Variants in PXDC1 observed in about 807,000 individuals in gnomAD.
The protein encoded by PXDC1 is PX domain-containing protein 1.
Under a neutral mutation model 24.4 loss-of-function variants are expected in PXDC1, and 13 were observed. That is an observed-to-expected ratio of 0.53 (90% CI 0.35 to 0.85). The LOEUF (loss-of-function observed/expected upper bound fraction) is 0.85. Among genes scored for constraint, PXDC1 ranks in the 40% least tolerant of loss-of-function variants. The probability of loss-of-function intolerance (pLI) is 0.01; values close to 1 mark genes in which losing one functional copy is unlikely to be tolerated. For synonymous variants in PXDC1, 162 were observed against 124.9 expected, an observed-to-expected ratio of 1.30 and a Z score of -1.98; for missense variants, 344 against 309.3, an observed-to-expected ratio of 1.11 and a Z score of -0.84.
chr6:3,738,868 T>A (rs1472935185), intron 1 of PXDC1: 1 of 1,303,088 alleles, frequency 7.7e-7, no homozygotes, highest in Non-Finnish European at 1.0e-6. Context: ...AGTCTTCCCA[T>A]CACAGGTTCT....
chr6:3,751,641 G>A lies in PXDC1; in HGVS notation c.-110C>T. ...GGTCTGTCCGTGGCCGGGGTCGTCC[G>A]GGGTCGGCCCGTCACTCCAAGGAGG... On this transcript the variant is annotated 5_prime_UTR_variant, in exon 1 of 5. Coordinates refer to ENST00000380283, the MANE Select transcript of PXDC1 (RefSeq NM_183373.4). 1 of 1,337,078 alleles carries A rather than the reference G, an allele frequency of 7.5e-7. No individual in the cohort carries two copies. The highest frequency in any genetic ancestry group is 1.9e-5 in the South Asian group (1 of 53,076). The allele number at this position is 1,337,078 out of a possible 1,614,324, so 82.8% of individuals were successfully genotyped here.
chr6:3,741,482 C>T lies in PXDC1; in HGVS notation c.257-3334G>A, dbSNP rs76186832. ...TTATTGAATTCCCCATTCCGGCTCC[C>T]GGTGGCAACCAAGCTGGCAATCTGG... On this transcript the variant is annotated intron_variant, in intron 1 of 4. Coordinates refer to ENST00000380283, the MANE Select transcript of PXDC1 (RefSeq NM_183373.4). Among the ~76,000 whole-genome samples the T allele has an allele frequency of 7.7e-4, 118 of 152,340 alleles. 1 individual carries two copies. The East Asian group carries it at 0.019, about 25-fold the overall frequency.
At chr6:3,729,991 TAG>T (rs1760159445) in intron 3 of PXDC1, among the ~76,000 whole-genome samples, 1 of 152,308 alleles carries the variant, frequency 6.6e-6, no homozygotes, top group Admixed American at 6.5e-5. Flanking sequence ...CCCCAAAAAA[TAG>T]ATTTGTAAGC....
rs947899390 is a variant in PXDC1, at chr6:3,737,236, C to G, written c.349-40G>C. On this transcript the variant is annotated intron_variant, in intron 2 of 4. Transcript: ENST00000380283. The surrounding 1 kb of genome is among the most constrained non-coding windows in gnomAD (Gnocchi z 5.5). ...AGGGATTACTAAAAACGATCAGCCT[C>G]TACACGTTGGCCCTGTCTGTCTACC... is the stretch of plus-strand genomic sequence containing the variant. The G allele has an allele frequency of 4.2e-6, 6 of 1,424,642 alleles. No individual in the cohort carries two copies. Among genetic ancestry groups the G allele is most frequent in the Non-Finnish European group, 6.0e-6 (6 of 1,007,890 alleles). The allele number at this position is 1,424,642 out of a possible 1,614,324, so 88.3% of individuals were successfully genotyped here. A position where few individuals can be genotyped will look rare whatever the true frequency, so the allele number is the denominator to read the frequency against.
rs973634025 is a variant in PXDC1 at position 3,722,963 on chromosome 6, C to G, written c.*656G>C. ...CACCAACGCTCAGTCCAAGCTCACA[C>G]GGTTATCTAGTCGGCAATGCCTTCC... On this transcript the variant is annotated 3_prime_UTR_variant, in exon 5 of 5. Coordinates refer to ENST00000380283, the MANE Select transcript of PXDC1 (RefSeq NM_183373.4). 2.0e-5 allele frequency: 3 copies of G among 152,216 alleles called. No homozygotes were observed. Among genetic ancestry groups the G allele is most frequent in the African/African-American group, 7.2e-5 (3 of 41,400 alleles). The allele number at this position is 152,216 out of a possible 1,614,324, so 9.4% of individuals were successfully genotyped here.
chr6:3,744,942 C>T (rs1760532538), intron 1 of PXDC1, among the ~76,000 whole-genome samples: 1 of 152,226 alleles, frequency 6.6e-6, no homozygotes, highest in African/African-American at 2.4e-5. Flanking sequence ...TCAAGGGATC[C>T]ACCTGCCTCG....
At chr6:3,746,404 T>C (rs907921265) in intron 1 of PXDC1, among the ~76,000 whole-genome samples, 2 of 152,034 alleles carry the variant, frequency 1.3e-5, no homozygotes, top group African/African-American at 4.8e-5. Flanking sequence ...CGCGTGAAGG[T>C]GGGTGGCCCC....
intron 1 of PXDC1, among the ~76,000 whole-genome samples, chr6:3,743,749 A>G (rs975684000): frequency 6.6e-6 from 1 of 152,228 alleles, no homozygotes; most frequent in Admixed American, 6.5e-5. Context: ...GTCACGCAGT[A>G]TAACTGTACA....
intron 3 of PXDC1, among the ~76,000 whole-genome samples, chr6:3,734,224 T>C (rs992140227): frequency 5.9e-5 from 9 of 152,220 alleles, no homozygotes; most frequent in African/African-American, 2.2e-4. Context: ...ACATCGCTGA[T>C]AGAGACGGGA....
At chr6:3,731,097 T>C (rs1259327023) in intron 3 of PXDC1, among the ~76,000 whole-genome samples, 5 of 152,264 alleles carry the variant, frequency 3.3e-5, no homozygotes, top group African/African-American at 1.2e-4. Flanking sequence ...CTTTTATTAA[T>C]TGCCTAACTG....
chr6:3,732,472 T>C (rs1369612842), intron 3 of PXDC1, among the ~76,000 whole-genome samples: 1 of 152,270 alleles, frequency 6.6e-6, no homozygotes, highest in African/African-American at 2.4e-5. Flanking sequence ...TGGTCAGATT[T>C]TGTGGCTGAG....
In PXDC1 at chr6:3,751,501, G is replaced by A. The variant is rs1188303475; in HGVS notation, c.31C>T (p.Leu11Phe). 2.5e-6 allele frequency: 4 copies of A among 1,602,190 alleles called. No homozygotes were observed. Among genetic ancestry groups the A allele is most frequent in the African/African-American group, 1.4e-5 (1 of 74,022 alleles). The change falls in exon 1 of 5, where the codon CTC (leucine) becomes TTC (phenylalanine). Residue 11 changes from leucine (L) to phenylalanine (F), a missense_variant. By Grantham distance (22) the Leu-to-Phe change is conservative (BLOSUM62 0). Transcript: ENST00000380283. MASAVFEGTSLVNMFVRGCWV... is the reference protein window; with the variant it reads MASAVFEGTSFVNMFVRGCWV... ...CAGCCGCGCACGAACATGTTCACGA[G>A]CGACGTGCCCTCAAACACCGCCGAG... is the stretch of plus-strand genomic sequence containing the variant.
chr6:3,747,270 T>C (rs1760591995), intron 1 of PXDC1, among the ~76,000 whole-genome samples: 1 of 152,094 alleles, frequency 6.6e-6, no homozygotes, highest in Middle Eastern at 3.2e-3. Context: ...GCAGTGCCCC[T>C]GTGGCTCTCC....
chr6:3,751,082 G>T, intron 1 of PXDC1, 194 bp downstream of exon 1: 8 of 500,698 alleles, frequency 1.6e-5, no homozygotes, highest in Non-Finnish European at 2.4e-5. Context: ...CCCAGGCTGG[G>T]CAGGCTGGCT....
intron 4 of PXDC1, 106 bp from the exon 5 acceptor site, chr6:3,723,842 C>A: frequency 2.5e-6 from 2 of 815,390 alleles, no homozygotes; most frequent in Admixed American, 2.1e-5. Flanking sequence ...AGTAAGTGTG[C>A]AAAAAAACCA....
intron 4 of PXDC1, among the ~76,000 whole-genome samples, chr6:3,726,588 A>C (rs1760072980): frequency 6.6e-6 from 1 of 152,232 alleles, no homozygotes; most frequent in African/African-American, 2.4e-5. Context: ...TCAGCAGAGG[A>C]GGCCCAGGCC....
chr6:3,734,123 C>G (rs1223877849), intron 3 of PXDC1, among the ~76,000 whole-genome samples: 1 of 152,210 alleles, frequency 6.6e-6, no homozygotes, highest in Non-Finnish European at 1.5e-5. Flanking sequence ...AACATACTTT[C>G]AATGGCAACA....
intron 1 of PXDC1, among the ~76,000 whole-genome samples, chr6:3,743,839 G>A (rs943908468): frequency 6.6e-6 from 1 of 152,194 alleles, no homozygotes; most frequent in Non-Finnish European, 1.5e-5. Context: ...CATCAGGGGC[G>A]CCCAGCGGCT....
rs545768750 is a variant in PXDC1 at position 3,728,839 on chromosome 6, T to C, written c.467-1177A>G. On this transcript the variant is annotated intron_variant, in intron 3 of 4. Transcript: ENST00000380283. The surrounding 1 kb of genome is among the most constrained non-coding windows in gnomAD (Gnocchi z 4.0). Reference sequence around the variant, plus strand: ...CTCAGCAGATGAGATCTGGTAGCCATGGCCAGTTCTTGGAGCTAAAGTCCT... The same window carrying C: ...CTCAGCAGATGAGATCTGGTAGCCACGGCCAGTTCTTGGAGCTAAAGTCCT... Among the ~76,000 whole-genome samples, 56 of 152,304 alleles carry C rather than the reference T, an allele frequency of 3.7e-4. 1 individual carries two copies. In the Middle Eastern group the frequency reaches 0.017, roughly 46 times the overall value.
Sources: allele counts gnomAD v4.1 joint callset (sites outside exome capture counted in the v4.1 genomes callset), GRCh38; gene constraint gnomAD v4.1.1; non-coding constraint Gnocchi (gnomAD v3.1); transcripts MANE v1.5; gene names NCBI Gene and HGNC (gene_info 2026-07-23, HGNC 2026-07-21).